ZNF410: variants seen among roughly 807,000 people sequenced by gnomAD.
ZNF410 encodes the protein another partner for ARF 1.
A neutral mutation model predicts 54.8 loss-of-function variants in ZNF410; 18 were observed. The observed-to-expected ratio is 0.33, with a 90% confidence interval of 0.23 to 0.49. ZNF410 has a LOEUF of 0.49. ZNF410 is among the 20% of genes least tolerant of loss of function. ZNF410 has a pLI of 0.99. For synonymous variants in ZNF410, 191 were observed against 207.3 expected (o/e 0.92, Z 0.68); for missense variants, 405 against 569.6 (o/e 0.71, Z 2.94).
chr14:73,894,943 G>A (rs1042562872), intron 3 of ZNF410, among the ~76,000 whole-genome samples: 2 of 152,000 alleles, frequency 1.3e-5, no homozygotes, highest in African/African-American at 2.4e-5. Context: ...CAGGAGGATA[G>A]CTTGAGCCCA....
At chr14:73,919,896 T>G (rs1448910292) in intron 8 of ZNF410, among the ~76,000 whole-genome samples, 1 of 146,524 alleles carries the variant, frequency 6.8e-6, no homozygotes, top group African/African-American at 2.5e-5. Context: ...GTTTTTTTTT[T>G]TTTTTTTTTT....
chr14:73,931,475 T>C, intron 11 of ZNF410, 28 bp from the exon 12 acceptor site: 1 of 1,597,434 alleles, frequency 6.3e-7, no homozygotes, highest in Non-Finnish European at 8.6e-7. Flanking sequence ...CTGTAACCTA[T>C]TCTAGATTTG....
In ZNF410 at chr14:73,905,968, C is replaced by CATATATATATATATATAT. The variant is rs375039083; in HGVS notation, c.913+895_913+912dup. Among the ~76,000 whole-genome samples, 220 of 78,872 alleles carry CATATATATATATATATAT rather than the reference C, an allele frequency of 2.8e-3. 3 individuals carry two copies. Among genetic ancestry groups the CATATATATATATATATAT allele is most frequent in the African/African-American group, 8.4e-3 (199 of 23,758 alleles). 51.7% of individuals were successfully genotyped at this position (78,872 alleles called of 152,430 possible). ...ATACACACACACACACACACACACA[C>CATATATATATATATATAT]ATATATATATATATATATATATATA... On this transcript the variant is annotated intron_variant, in intron 7 of 11. Transcript: ENST00000555044.
Position 73,932,012 on chromosome 14 carries a change from T to C in ZNF410, c.*471T>C, listed in dbSNP as rs556191988. Reference sequence around the variant, plus strand: ...CTTTGAAGAAGGGAGTGATGTCAATTCTCTTGTTACATTCTCCCTTTAGCA... The same window carrying C: ...CTTTGAAGAAGGGAGTGATGTCAATCCTCTTGTTACATTCTCCCTTTAGCA... On this transcript the variant is annotated 3_prime_UTR_variant, in exon 12 of 12. Coordinates refer to ENST00000555044, the MANE Select transcript of ZNF410 (RefSeq NM_021188.3). 144 of 456,364 alleles carry C rather than the reference T, an allele frequency of 3.2e-4. No homozygotes were observed. The highest frequency in any genetic ancestry group is 6.0e-4 in the Non-Finnish European group (136 of 226,812). 28.3% of individuals were successfully genotyped at this position (456,364 alleles called of 1,614,324 possible). A position where few individuals can be genotyped will look rare whatever the true frequency, so the allele number is the denominator to read the frequency against.
intron 8 of ZNF410, chr14:73,913,367 C>T (rs138736418): frequency 1.3e-5 from 2 of 152,226 alleles, no homozygotes; most frequent in East Asian, 3.9e-4. Flanking sequence ...AAGGAATGGA[C>T]TCCAGACACC....
At chr14:73,927,311 T>C in intron 11 of ZNF410, 2 of 157,154 alleles carry the variant, frequency 1.3e-5, no homozygotes, top group South Asian at 1.5e-4. Flanking sequence ...ACTCCTGACC[T>C]CAGGTGATCC....
intron 3 of ZNF410, 54 bp from the exon 4 acceptor site, chr14:73,896,259 ATGG>A: frequency 1.5e-6 from 2 of 1,339,418 alleles, no homozygotes; most frequent in Admixed American, 1.8e-5. Context: ...GTGTATCAAA[ATGG>A]TGGGCTCCTA....
Position 73,892,076 on chromosome 14 carries a change from A to G in ZNF410, c.-100A>G, listed in dbSNP as rs909332659. The stretch of plus-strand genomic sequence containing the variant: ...CAACATCTTACGGGAAGAGCATAGT[A>G]TTTCCTAGAGGAATATGAACATAAC... On this transcript the variant is annotated 5_prime_UTR_variant, in exon 2 of 12. Transcript: ENST00000555044. 2.3e-6 allele frequency: 3 copies of G among 1,291,332 alleles called. No individual in the cohort carries two copies. Among genetic ancestry groups the G allele is most frequent in the African/African-American group, 1.5e-5 (1 of 68,602 alleles). The allele number at this position is 1,291,332 out of a possible 1,614,324, so 80.0% of individuals were successfully genotyped here. A position where few individuals can be genotyped will look rare whatever the true frequency, so the allele number is the denominator to read the frequency against.
At chr14:73,891,111 A>G (rs1025121418) in intron 1 of ZNF410, among the ~76,000 whole-genome samples, 1 of 151,842 alleles carries the variant, frequency 6.6e-6, no homozygotes, top group African/African-American at 2.4e-5. Flanking sequence ...TTTAAATGTA[A>G]TTTTAAAAAT....
intron 5 of ZNF410, among the ~76,000 whole-genome samples, chr14:73,901,218 CACATTACTT>C (rs1204099459): frequency 6.6e-6 from 1 of 152,198 alleles, no homozygotes; most frequent in Admixed American, 6.5e-5. Context: ...CATAGGCATC[CACATTACTT>C]ACAAATTGTC....
intron 5 of ZNF410, among the ~76,000 whole-genome samples, chr14:73,901,610 C>T (rs1038451284): frequency 5.9e-5 from 9 of 151,826 alleles, no homozygotes; most frequent in Non-Finnish European, 1.2e-4. Context: ...AAAGCCCCTA[C>T]TATCACTGAT....
intron 3 of ZNF410, among the ~76,000 whole-genome samples, chr14:73,895,787 C>T (rs1282707295): frequency 1.7e-4 from 26 of 152,062 alleles, no homozygotes; most frequent in Admixed American, 1.7e-3. Flanking sequence ...TGGTGAAACC[C>T]TCTCTACTAA....
chr14:73,900,376 AT>A (rs200858040), intron 5 of ZNF410, among the ~76,000 whole-genome samples: 191 of 141,310 alleles, frequency 1.4e-3, no homozygotes, highest in Middle Eastern at 7.2e-3. Flanking sequence ...ACACATTTTA[AT>A]TTTTTTTTTT....
intron 8 of ZNF410, among the ~76,000 whole-genome samples, chr14:73,912,870 CTTT>C (rs371094338): frequency 7.0e-6 from 1 of 143,880 alleles, no homozygotes; most frequent in Non-Finnish European, 1.5e-5. Flanking sequence ...TTAGTAGTTT[CTTT>C]TTTTTTTTTC....
intron 8 of ZNF410, among the ~76,000 whole-genome samples, chr14:73,917,242 T>C (rs951306397): frequency 3.3e-5 from 5 of 152,164 alleles, no homozygotes; most frequent in Admixed American, 2.6e-4. Flanking sequence ...AGTTTAAGAC[T>C]TTTGGAGCTG....
intron 2 of ZNF410, 170 bp from the exon 3 acceptor site, chr14:73,893,627 C>G (rs567270751): frequency 4.7e-5 from 34 of 726,672 alleles, no homozygotes; most frequent in Non-Finnish European, 5.8e-5. Flanking sequence ...ATCAGCTGTT[C>G]TCTAGAACAG....
intron 4 of ZNF410, 143 bp downstream of exon 4, chr14:73,896,677 G>A: frequency 1.5e-6 from 1 of 681,330 alleles, no homozygotes; most frequent in South Asian, 2.0e-5. Context: ...GTGACCATTT[G>A]AATATGTAGA....
intron 11 of ZNF410, chr14:73,928,106 TG>T (rs1205279054): frequency 1.3e-5 from 2 of 153,018 alleles, no homozygotes; most frequent in Non-Finnish European, 2.9e-5. Context: ...CCCAAAGTGC[TG>T]GGATTACAGG....
At chr14:73,900,652 T>C (rs1194422548) in intron 5 of ZNF410, among the ~76,000 whole-genome samples, 2 of 152,180 alleles carry the variant, frequency 1.3e-5, no homozygotes, top group African/African-American at 2.4e-5. Context: ...TGGGATTACA[T>C]GCGTGAGCCA....
Sources: allele counts gnomAD v4.1 joint callset (sites outside exome capture counted in the v4.1 genomes callset), GRCh38; gene constraint gnomAD v4.1.1; transcripts MANE v1.5; gene names NCBI Gene and HGNC (gene_info 2026-07-23, HGNC 2026-07-21).